Variants in KLHL13 observed in about 807,000 individuals in gnomAD.
KLHL13 encodes kelch-like protein 13.
Under a neutral mutation model 37.1 loss-of-function variants are expected in KLHL13, and 10 were observed. That is an observed-to-expected ratio of 0.27 (90% CI 0.17 to 0.46). KLHL13 has a LOEUF of 0.46. KLHL13 is among the 20% of genes least tolerant of loss of function. The pLI is 1.00. For missense variants in KLHL13, 360 were observed against 509.3 expected (o/e 0.71, Z 2.82); for synonymous variants, 163 against 181.2 (o/e 0.90, Z 0.81).
chrX:118,082,980 G>A (rs1386005109), intron 1 of KLHL13, among the ~76,000 whole-genome samples: 2 of 111,455 alleles, frequency 1.8e-5, no homozygotes, highest in Non-Finnish European at 3.8e-5. Flanking sequence ...TGCCAGTACC[G>A]TGCTGTTTTC....
intron 1 of KLHL13, among the ~76,000 whole-genome samples, chrX:118,078,855 A>G (rs1165574597): frequency 8.9e-6 from 1 of 111,821 alleles, no homozygotes; most frequent in African/African-American, 3.2e-5. Context: ...TTTCCAGGGT[A>G]GCTGTACCAT....
chrX:117,936,742 C>T (rs1327168458), intron 2 of KLHL13, among the ~76,000 whole-genome samples: 2 of 110,930 alleles, frequency 1.8e-5, no homozygotes, highest in South Asian at 3.8e-4. Context: ...CTCAGGAGTT[C>T]CCTGTGGTAT....
intron 1 of KLHL13, among the ~76,000 whole-genome samples, chrX:118,058,301 TCA>T (rs976177018): frequency 1.4e-4 from 15 of 110,592 alleles, no homozygotes; most frequent in Non-Finnish European, 2.5e-4. Flanking sequence ...ACTCCCCCCC[TCA>T]TTTTTATTTC....
At chrX:117,941,664 T>A (rs1933039705) in intron 2 of KLHL13, among the ~76,000 whole-genome samples, 1 of 112,000 alleles carries the variant, frequency 8.9e-6, no homozygotes, top group African/African-American at 3.2e-5. Context: ...TTTCTTTCTG[T>A]GGGATCAGTG....
intron 1 of KLHL13, among the ~76,000 whole-genome samples, chrX:118,077,953 GT>G (rs1453039654): frequency 1.8e-5 from 2 of 111,967 alleles, no homozygotes; most frequent in Admixed American, 9.5e-5. Flanking sequence ...ATTATTATAA[GT>G]TTTTTTCCTA....
chrX:117,932,449 G>T (rs1932502870), intron 2 of KLHL13, among the ~76,000 whole-genome samples: 1 of 110,663 alleles, frequency 9.0e-6, no homozygotes, highest in South Asian at 3.8e-4. Flanking sequence ...CTCTTTCATT[G>T]CCTGATTTAT....
intron 1 of KLHL13, among the ~76,000 whole-genome samples, chrX:117,987,161 A>G (rs180673980): frequency 1.8e-5 from 2 of 111,847 alleles, no homozygotes; most frequent in East Asian, 5.6e-4. Context: ...ATACCGACAG[A>G]AGAGCTGAAT....
At chrX:118,071,511 T>C (rs1417507469) in intron 1 of KLHL13, among the ~76,000 whole-genome samples, 1 of 112,114 alleles carries the variant, frequency 8.9e-6, no homozygotes, top group Admixed American at 9.4e-5. Context: ...TGGCCAGTGA[T>C]GGTGAGCATT....
chrX:117,984,571 A>G (rs946287173), intron 1 of KLHL13, among the ~76,000 whole-genome samples: 1 of 111,546 alleles, frequency 9.0e-6, no homozygotes, highest in African/African-American at 3.2e-5. Flanking sequence ...ATAACTTCCT[A>G]TGAAAAAAGT....
chrX:117,911,863 T>C (rs1321837370), intron 4 of KLHL13, among the ~76,000 whole-genome samples: 1 of 112,224 alleles, frequency 8.9e-6, no homozygotes, highest in African/African-American at 3.2e-5. Context: ...CAAAAATGTT[T>C]AATTGCTTAT....
chrX:118,116,911 C>T (rs1259453020), upstream of KLHL13: 2 of 102,461 alleles, frequency 2.0e-5, no homozygotes, highest in African/African-American at 7.1e-5. Context: ...GCGGGGGTGG[C>T]CCCGGCGGCG....
chrX:118,062,593 T>C (rs2148096466), intron 1 of KLHL13, among the ~76,000 whole-genome samples: 1 of 110,809 alleles, frequency 9.0e-6, no homozygotes, highest in Admixed American at 9.7e-5. Context: ...CACTACATCT[T>C]CTAGTACAGT....
At chrX:117,934,075 A>T (rs1389395076) in intron 2 of KLHL13, among the ~76,000 whole-genome samples, 1 of 111,070 alleles carries the variant, frequency 9.0e-6, no homozygotes, top group Non-Finnish European at 1.9e-5. Context: ...TATAAGTAGG[A>T]GCTAAACATT....
chrX:117,943,400 G>A (rs1390175301), intron 2 of KLHL13, among the ~76,000 whole-genome samples: 1 of 110,839 alleles, frequency 9.0e-6, no homozygotes. Flanking sequence ...AAGTTCTCCT[G>A]GAGAATACCC....
chrX:118,065,856 C>T (rs763063952), intron 1 of KLHL13, among the ~76,000 whole-genome samples: 2 of 111,787 alleles, frequency 1.8e-5, no homozygotes, highest in Non-Finnish European at 3.8e-5. Context: ...CAGGGCTGGA[C>T]ATCGCTATTT....
chrX:118,005,891 T>C (rs1490778914), intron 1 of KLHL13, among the ~76,000 whole-genome samples: 1 of 112,260 alleles, frequency 8.9e-6, no homozygotes, highest in Non-Finnish European at 1.9e-5. Flanking sequence ...AATTGTGTAA[T>C]GATTTTAGCA....
At chrX:117,952,083 C>G (rs1933642614) in intron 1 of KLHL13, among the ~76,000 whole-genome samples, 1 of 111,298 alleles carries the variant, frequency 9.0e-6, no homozygotes, top group African/African-American at 3.3e-5. Flanking sequence ...CAAAAAAGAG[C>G]CCGCATCGCC....
chrX:117,951,368 T>C (rs974243240), intron 1 of KLHL13, among the ~76,000 whole-genome samples: 2 of 112,154 alleles, frequency 1.8e-5, no homozygotes, highest in African/African-American at 6.5e-5. Context: ...CTTCTCTCTC[T>C]TTTTTCTTTT....
chrX:117,992,165 T>C (rs5955994), intron 1 of KLHL13, among the ~76,000 whole-genome samples: 5,534 of 106,562 alleles, frequency 0.052, 395 homozygotes, highest in African/African-American at 0.18. Context: ...TGGGGTTCTG[T>C]TTCAAGGAAG....
Sources: gnomAD v4.1 joint callset for allele counts (sites outside exome capture counted in the v4.1 genomes callset) on GRCh38, gnomAD v4.1.1 for gene constraint, MANE v1.5 for transcripts, NCBI Gene and HGNC (gene_info 2026-07-23, HGNC 2026-07-21) for gene names.